ROBO1: variants seen among roughly 807,000 people sequenced by gnomAD.
The protein encoded by ROBO1 is roundabout homolog 1.
ROBO1 carries 149 observed loss-of-function variants against 195.9 expected under a neutral mutation model. The observed-to-expected ratio is 0.76, with a 90% CI of 0.67 to 0.87. The LOEUF (loss-of-function observed/expected upper bound fraction) is 0.87, where lower values mean the gene tolerates loss of function less well. Among genes scored for constraint, ROBO1 ranks in the 40% least tolerant of loss-of-function variants. ROBO1 has a pLI of 0.00. For synonymous variants in ROBO1, 816 were observed against 733.2 expected, an observed-to-expected ratio of 1.11 and a Z score of -1.82; for missense variants, 1,933 against 2,068.3, an observed-to-expected ratio of 0.93 and a Z score of 1.27.
chr3:79,492,745 A>G (rs1192047728), intron 2 of ROBO1, among the ~76,000 whole-genome samples: 2 of 152,226 alleles, frequency 1.3e-5, no homozygotes, highest in Admixed American at 6.5e-5. Context: ...ATGTATTAGC[A>G]TTGCATGAAT....
intron 1 of ROBO1, among the ~76,000 whole-genome samples, chr3:79,598,742 C>T (rs1157792036): frequency 1.3e-5 from 2 of 152,012 alleles, no homozygotes; most frequent in Non-Finnish European, 2.9e-5. Context: ...AGCTTAGATC[C>T]CCCTACTACA....
intron 2 of ROBO1, among the ~76,000 whole-genome samples, chr3:79,350,807 G>T (rs561560016): frequency 6.6e-6 from 1 of 152,100 alleles, no homozygotes; most frequent in East Asian, 1.9e-4. Context: ...AAGGGCAGTA[G>T]CTAAAATTAC....
chr3:78,763,604 A>G (rs1434735192), intron 4 of ROBO1, among the ~76,000 whole-genome samples: 2 of 152,146 alleles, frequency 1.3e-5, no homozygotes, highest in Admixed American at 1.3e-4. Flanking sequence ...TCCATTCCCA[A>G]ACTCCACACC....
intron 3 of ROBO1, among the ~76,000 whole-genome samples, chr3:78,967,265 C>T (rs1174901027): frequency 6.6e-6 from 1 of 152,146 alleles, no homozygotes; most frequent in Non-Finnish European, 1.5e-5. Flanking sequence ...TCACTGGCTT[C>T]TCATCAAGTC....
chr3:78,924,126 G>C (rs1412583055), intron 4 of ROBO1, among the ~76,000 whole-genome samples: 1 of 151,980 alleles, frequency 6.6e-6, no homozygotes, highest in Non-Finnish European at 1.5e-5. Flanking sequence ...GTATAGCTAT[G>C]AGAAATGGTG....
intron 2 of ROBO1, among the ~76,000 whole-genome samples, chr3:79,215,376 A>T (rs1490396321): frequency 6.6e-6 from 1 of 152,064 alleles, no homozygotes; most frequent in Admixed American, 6.6e-5. Context: ...ATTTGCTGAA[A>T]ACACACCCCA....
chr3:78,788,107 TTTTG>T (rs1456703334), intron 4 of ROBO1, among the ~76,000 whole-genome samples: 2 of 149,650 alleles, frequency 1.3e-5, no homozygotes, highest in Non-Finnish European at 3.0e-5. Flanking sequence ...GCCCGACTGA[TTTTG>T]TTTTTGTATT....
chr3:79,568,122 G>A (rs575636713), intron 2 of ROBO1, among the ~76,000 whole-genome samples: 7 of 151,944 alleles, frequency 4.6e-5, no homozygotes, highest in Non-Finnish European at 7.4e-5. Context: ...CAGATGGGTC[G>A]ATTCAGACAT....
rs1575822408 is a variant in ROBO1 at position 78,639,817 on chromosome 3, A to G, written c.2964T>C (p.Asn988=). 6.2e-7 allele frequency: 1 copy of G among 1,613,530 alleles called. No homozygotes were observed. Among genetic ancestry groups the G allele is most frequent in the East Asian group, 2.2e-5 (1 of 44,802 alleles). Residue 988 remains asparagine, a synonymous_variant, in exon 22 of 31, where the codon AAT becomes AAC. Transcript: ENST00000464233. ...DTWPNTGNNH[N]DCSISCCTAG... ...CCGTGCAGCAGCTGATGGAGCAGTC[A>G]TTGTGGTTGTTGCCAGTATTAGGCC...
intron 2 of ROBO1, among the ~76,000 whole-genome samples, chr3:79,232,118 G>C (rs1225409619): frequency 6.6e-6 from 1 of 151,818 alleles, no homozygotes; most frequent in Admixed American, 6.6e-5. Context: ...CTTAATACTT[G>C]GGTGATGAAA....
chr3:78,938,145 C>G (rs954702700), intron 4 of ROBO1: 4 of 161,082 alleles, frequency 2.5e-5, no homozygotes, highest in African/African-American at 9.7e-5. Context: ...CTGGTGGTTC[C>G]CCATTCTCAG....
chr3:78,612,003 T>C (rs1703843884), intron 28 of ROBO1, among the ~76,000 whole-genome samples: 1 of 152,188 alleles, frequency 6.6e-6, no homozygotes, highest in Admixed American at 6.6e-5. Flanking sequence ...TATGGTACTT[T>C]GTTATGGCGG....
intron 2 of ROBO1, among the ~76,000 whole-genome samples, chr3:79,262,740 T>A (rs1263106307): frequency 6.6e-6 from 1 of 152,136 alleles, no homozygotes; most frequent in African/African-American, 2.4e-5. Flanking sequence ...TTATATCATA[T>A]GTATTTTATA....
At chr3:79,665,444 A>C (rs1305273761) in intron 1 of ROBO1, among the ~76,000 whole-genome samples, 1 of 151,906 alleles carries the variant, frequency 6.6e-6, no homozygotes, top group African/African-American at 2.4e-5. Flanking sequence ...ATGAACAATG[A>C]TCATTTAGAT....
At chr3:79,373,994 G>A (rs2036294257) in intron 2 of ROBO1, among the ~76,000 whole-genome samples, 1 of 152,028 alleles carries the variant, frequency 6.6e-6, no homozygotes, top group South Asian at 2.1e-4. Context: ...GACCATAATT[G>A]TTATTTTTTA....
chr3:79,508,972 A>G (rs1452438056), intron 2 of ROBO1, among the ~76,000 whole-genome samples: 1 of 152,224 alleles, frequency 6.6e-6, no homozygotes, highest in African/African-American at 2.4e-5. Context: ...ACAGTTGAAA[A>G]GAATTCATAG....
intron 2 of ROBO1, among the ~76,000 whole-genome samples, chr3:79,481,257 G>A (rs372134680): frequency 5.3e-5 from 8 of 152,106 alleles, no homozygotes; most frequent in Non-Finnish European, 7.4e-5. Flanking sequence ...TTCTGCAAGC[G>A]AAAAATAAAG....
At chr3:78,669,913 G>A (rs1322827338) in intron 11 of ROBO1, among the ~76,000 whole-genome samples, 183 bp downstream of exon 11, 1 of 151,966 alleles carries the variant, frequency 6.6e-6, no homozygotes, top group Non-Finnish European at 1.5e-5. Flanking sequence ...TAAATTATGA[G>A]TTAAATCATC....
At chr3:79,695,128 T>A (rs1947405478) in intron 1 of ROBO1, among the ~76,000 whole-genome samples, 1 of 151,670 alleles carries the variant, frequency 6.6e-6, no homozygotes, top group South Asian at 2.1e-4. Flanking sequence ...CTATGTGTTA[T>A]GTTTTGTTCA....
Sources: gnomAD v4.1 joint callset for allele counts (sites outside exome capture counted in the v4.1 genomes callset) on GRCh38, gnomAD v4.1.1 for gene constraint, MANE v1.5 for transcripts, NCBI Gene and HGNC (gene_info 2026-07-23, HGNC 2026-07-21) for gene names.